Variants in ARHGEF9 observed in about 807,000 individuals in gnomAD.
The protein encoded by ARHGEF9 is Cdc42 guanine nucleotide exchange factor 9.
ARHGEF9 carries 2 observed loss-of-function variants against 41.3 expected under a neutral mutation model. That is an observed-to-expected ratio of 0.05 (90% CI 0.02 to 0.15). ARHGEF9 has a LOEUF of 0.15. ARHGEF9 is among the 10% of genes least tolerant of loss of function. The pLI is 1.00. For missense variants in ARHGEF9, 225 were observed against 424.7 expected, an observed-to-expected ratio of 0.53 and a Z score of 4.13; for synonymous variants, 160 against 154.4, an observed-to-expected ratio of 1.04 and a Z score of -0.27.
At chrX:63,713,893 G>A (rs1445350529) in intron 2 of ARHGEF9, among the ~76,000 whole-genome samples, 1 of 110,948 alleles carries the variant, frequency 9.0e-6, no homozygotes, top group African/African-American at 3.3e-5. Context: ...ACCCCTCAAG[G>A]GAAGATTTAA....
chrX:63,785,073 C>A (rs782807633), intron 1 of ARHGEF9, 43 bp downstream of exon 1: 2 of 1,159,800 alleles, frequency 1.7e-6, no homozygotes, highest in East Asian at 6.6e-5. Flanking sequence ...GGCTGGGGGA[C>A]TGAGAGGCTC....
At chrX:63,784,955 T>G in intron 1 of ARHGEF9, among the ~76,000 whole-genome samples, 161 bp downstream of exon 1, 1 of 111,210 alleles carries the variant, frequency 9.0e-6, no homozygotes, top group Admixed American at 9.5e-5. Flanking sequence ...CAGGGACTCC[T>G]AAAATGGCCA....
At chrX:63,683,491 A>G (rs2050784030) in intron 4 of ARHGEF9, among the ~76,000 whole-genome samples, 1 of 111,864 alleles carries the variant, frequency 8.9e-6, no homozygotes, top group African/African-American at 3.2e-5. Context: ...GGAAATAGAC[A>G]AAAACATATA....
chrX:63,678,916 T>G (rs1255489058), intron 4 of ARHGEF9, among the ~76,000 whole-genome samples: 1 of 111,802 alleles, frequency 8.9e-6, no homozygotes, highest in Non-Finnish European at 1.9e-5. Flanking sequence ...TCAGTGACTC[T>G]ACTTCTGGCA....
At chrX:63,646,630 T>A (rs1430315450) in intron 8 of ARHGEF9, among the ~76,000 whole-genome samples, 1 of 112,257 alleles carries the variant, frequency 8.9e-6, no homozygotes, top group Non-Finnish European at 1.9e-5. Flanking sequence ...TTGGTTACTG[T>A]AGCCTTGTAG....
rs2048823343 is a variant in ARHGEF9 at position 63,655,553 on chromosome X, A to G, written c.1262T>C (p.Ile421Thr). The G allele has an allele frequency of 8.3e-7, 1 of 1,208,967 alleles. No homozygotes were observed. Among genetic ancestry groups the G allele is most frequent in the Admixed American group, 2.2e-5 (1 of 45,621 alleles). Reference protein sequence around the residue: ...LFFAKKLEEKIRWLRAFREER... With the variant: ...LFFAKKLEEKTRWLRAFREER... ...TTCTCTGAAAGCCCTGAGCCAGCGT[A>G]TTTTTTCCTCCAGCTTCTTGGCAAA... Residue 421 changes from isoleucine (I) to threonine (T), a missense_variant, in exon 8 of 10, where the codon ATA becomes ACA. Transcript: ENST00000671741.
chrX:63,718,738 C>G (rs1329115528), intron 2 of ARHGEF9, among the ~76,000 whole-genome samples: 1 of 112,177 alleles, frequency 8.9e-6, no homozygotes, highest in African/African-American at 3.2e-5. Flanking sequence ...GGGCTAGTAG[C>G]TGGAAATAAC....
chrX:63,637,864 G>A lies in ARHGEF9; in HGVS notation c.*164C>T. The A allele has an allele frequency of 2.4e-6, 1 of 410,656 alleles. No homozygotes were observed. The highest frequency in any genetic ancestry group is 4.1e-6 in the Non-Finnish European group (1 of 241,414). The allele number at this position is 410,656 out of a possible 1,213,427, so 33.8% of individuals were successfully genotyped here. On this transcript the variant is annotated 3_prime_UTR_variant, in exon 10 of 10. Coordinates refer to ENST00000671741, the MANE Select transcript of ARHGEF9 (RefSeq NM_001353921.2). Reference sequence around the variant, plus strand: ...TATCTCTCTGTGTGTGTGTGTGTGTGTGTGTGTGTGTGTGTGTCTGTGTGT... The same window carrying A: ...TATCTCTCTGTGTGTGTGTGTGTGTATGTGTGTGTGTGTGTGTCTGTGTGT...
intron 7 of ARHGEF9, among the ~76,000 whole-genome samples, chrX:63,658,300 A>G: frequency 8.9e-6 from 1 of 112,081 alleles, no homozygotes. Context: ...ATTTGTCATA[A>G]GCCAAATGTA....
Position 63,637,854 on chromosome X carries a change from G to C in ARHGEF9, c.*174C>G. On this transcript the variant is annotated 3_prime_UTR_variant, in exon 10 of 10. Transcript: ENST00000671741. ...TTTTGTTCCTTATCTCTCTGTGTGT[G>C]TGTGTGTGTGTGTGTGTGTGTGTGT... 3 of 373,571 alleles carry C rather than the reference G, an allele frequency of 8.0e-6. No individual in the cohort carries two copies. The highest frequency in any genetic ancestry group is 9.1e-6 in the Non-Finnish European group (2 of 220,271). The allele number at this position is 373,571 out of a possible 1,213,427, so 30.8% of individuals were successfully genotyped here. A position where few individuals can be genotyped will look rare whatever the true frequency, so the allele number is the denominator to read the frequency against.
chrX:63,748,669 A>T (rs1465070886), intron 1 of ARHGEF9, among the ~76,000 whole-genome samples: 4 of 111,736 alleles, frequency 3.6e-5, no homozygotes, highest in African/African-American at 6.5e-5. Context: ...ACTTTAAATT[A>T]AAAAAATAAA....
In ARHGEF9 at chrX:63,775,504, C is replaced by T. The variant is rs142713424; in HGVS notation, c.30+9612G>A. Among the ~76,000 whole-genome samples the T allele has an allele frequency of 9.9e-3, 1,110 of 112,047 alleles. 7 individuals carry two copies. Among genetic ancestry groups the T allele is most frequent in the Non-Finnish European group, 0.017 (929 of 53,162 alleles). ...GGAATACTACACAGCCATAAAAACG[C>T]GAGAACATGTCCTTTGCGGCAACAT... On this transcript the variant is annotated intron_variant, in intron 1 of 9. Transcript: ENST00000671741.
At chrX:63,683,789 C>T (rs1477446507) in intron 4 of ARHGEF9, among the ~76,000 whole-genome samples, 1 of 111,108 alleles carries the variant, frequency 9.0e-6, no homozygotes, top group Non-Finnish European at 1.9e-5. Context: ...AACTGGATAT[C>T]TATATGCAAA....
At chrX:63,652,105 T>C (rs1421452970) in intron 8 of ARHGEF9, among the ~76,000 whole-genome samples, 1 of 111,608 alleles carries the variant, frequency 9.0e-6, no homozygotes, top group Non-Finnish European at 1.9e-5. Flanking sequence ...TAACATTCAG[T>C]CATTCCACTT....
chrX:63,783,071 A>T (rs2056406557), intron 1 of ARHGEF9, among the ~76,000 whole-genome samples: 2 of 112,044 alleles, frequency 1.8e-5, no homozygotes, highest in South Asian at 7.4e-4. Context: ...TTAATTACAC[A>T]GTCTCCACAA....
intron 4 of ARHGEF9, among the ~76,000 whole-genome samples, chrX:63,694,208 T>C (rs1465120222): frequency 9.1e-6 from 1 of 110,045 alleles, no homozygotes; most frequent in African/African-American, 3.3e-5. Context: ...ATACTGATAA[T>C]ATCAAGTGTT....
At chrX:63,754,408 A>ATT (rs373743708) in intron 1 of ARHGEF9, 129 of 898,209 alleles carry the variant, frequency 1.4e-4, no homozygotes, top group African/African-American at 7.7e-4. Context: ...TCTGTCTGTG[A>ATT]TTTTTTTTTT....
chrX:63,784,026 C>T (rs1425445627), intron 1 of ARHGEF9, among the ~76,000 whole-genome samples: 1 of 111,788 alleles, frequency 8.9e-6, no homozygotes, highest in Admixed American at 9.4e-5. Context: ...ACACCAGATT[C>T]CCTCTTCCCC....
chrX:63,751,120 A>G (rs1286929621), intron 1 of ARHGEF9, among the ~76,000 whole-genome samples: 4 of 111,013 alleles, frequency 3.6e-5, no homozygotes, highest in African/African-American at 1.3e-4. Context: ...CCCCTCCTAC[A>G]TGGCAAAAGC....
Sources: allele counts gnomAD v4.1 joint callset (sites outside exome capture counted in the v4.1 genomes callset), GRCh38; gene constraint gnomAD v4.1.1; transcripts MANE v1.5; gene names NCBI Gene and HGNC (gene_info 2026-07-23, HGNC 2026-07-21).